KCNQ3: variants seen among roughly 807,000 people sequenced by gnomAD.
KCNQ3 encodes potassium voltage-gated channel subfamily KQT member 3.
Under a neutral mutation model 92.5 loss-of-function variants are expected in KCNQ3, and 30 were observed. That is an observed-to-expected ratio of 0.32 (90% CI 0.24 to 0.44). The LOEUF (loss-of-function observed/expected upper bound fraction) is 0.44, where lower values mean the gene tolerates loss of function less well. KCNQ3 is among the 20% of genes least tolerant of loss of function. The pLI, the probability that KCNQ3 is intolerant of heterozygous loss-of-function variation, is 1.00. For missense variants in KCNQ3, 913 were observed against 1,140.3 expected (o/e 0.80, Z 2.87); for synonymous variants, 450 against 468.8 (o/e 0.96, Z 0.52).
intron 1 of KCNQ3, among the ~76,000 whole-genome samples, chr8:132,432,814 C>T (rs184851547): frequency 5.9e-5 from 9 of 152,176 alleles, no homozygotes; most frequent in East Asian, 1.9e-4. Flanking sequence ...AAAAGCTTCA[C>T]GAGGGCAAGA....
intron 1 of KCNQ3, among the ~76,000 whole-genome samples, chr8:132,318,545 T>G (rs1170636641): frequency 6.6e-6 from 1 of 152,258 alleles, no homozygotes; most frequent in African/African-American, 2.4e-5. Context: ...TAGTTCATTC[T>G]TTTAGCTGTC....
chr8:132,416,188 T>C (rs1820800217), intron 1 of KCNQ3, among the ~76,000 whole-genome samples: 1 of 152,244 alleles, frequency 6.6e-6, no homozygotes, highest in African/African-American at 2.4e-5. Flanking sequence ...TTTCCTTTTC[T>C]AAAAATGAAA....
In KCNQ3 at chr8:132,134,341, T is replaced by C. The variant is rs765682322; in HGVS notation, c.1748A>G (p.Lys583Arg). ...GAATGCTGACCCTTTCTGAGACTTC[T>C]TGTGTTTTGGCGTGGAGGGAGGTCC... is the stretch of plus-strand genomic sequence containing the variant. ...TPGPPSTPKHKKSQKGSAFTF... is the reference protein window; with the variant it reads ...TPGPPSTPKHRKSQKGSAFTF... The change falls in exon 13 of 15, where the codon AAG becomes AGG. Residue 583 changes from lysine (K) to arginine (R), a missense_variant. Physicochemically the swap from Lys to Arg is conservative, Grantham distance 26. Around this residue, in one of 6 missense-constraint regions of KCNQ3, gnomAD observed 375 missense variants for 376.4 expected, o/e 1.00. Coordinates refer to ENST00000388996, the MANE Select transcript of KCNQ3 (RefSeq NM_004519.4). The C allele has an allele frequency of 1.2e-6, 2 of 1,614,060 alleles. No homozygotes were observed. Among genetic ancestry groups the C allele is most frequent in the South Asian group, 1.1e-5 (1 of 91,076 alleles).
intron 1 of KCNQ3, among the ~76,000 whole-genome samples, chr8:132,306,228 G>C (rs1361920218): frequency 6.6e-6 from 1 of 152,208 alleles, no homozygotes; most frequent in African/African-American, 2.4e-5. Flanking sequence ...TGTTCTGTTA[G>C]CTCCTGGAGG....
rs886062682 is a variant in KCNQ3 at position 132,128,501 on chromosome 8, T to TTGTGTGTGTGTGTGTGTG, written c.*760_*761insCACACACACACACACACA. On this transcript the variant is annotated 3_prime_UTR_variant, in exon 15 of 15. Coordinates refer to ENST00000388996, the MANE Select transcript of KCNQ3 (RefSeq NM_004519.4). Reference sequence around the variant, plus strand: ...ACATAAATTGGAAACTATTTTAACTTTGTGTATGTGTGTGTGTGTGTGTGT... The same window carrying TTGTGTGTGTGTGTGTGTG: ...ACATAAATTGGAAACTATTTTAACTTTGTGTGTGTGTGTGTGTGTGTGTATGTGTGTGTGTGTGTGTGT... 8.6e-6 allele frequency: 1 copy of TTGTGTGTGTGTGTGTGTG among 116,840 alleles called. No homozygotes were observed. Among genetic ancestry groups the TTGTGTGTGTGTGTGTGTG allele is most frequent in the Admixed American group, 9.6e-5 (1 of 10,452 alleles). The allele number at this position is 116,840 out of a possible 1,614,324, so 7.2% of individuals were successfully genotyped here. A position where few individuals can be genotyped will look rare whatever the true frequency, so the allele number is the denominator to read the frequency against.
At chr8:132,226,293 G>A (rs897186961) in intron 1 of KCNQ3, among the ~76,000 whole-genome samples, 1 of 151,608 alleles carries the variant, frequency 6.6e-6, no homozygotes, top group Non-Finnish European at 1.5e-5. Flanking sequence ...AAATCATGGA[G>A]GATTTTAAGA....
At chr8:132,243,743 T>C (rs1586858946) in intron 1 of KCNQ3, among the ~76,000 whole-genome samples, 1 of 152,354 alleles carries the variant, frequency 6.6e-6, no homozygotes, top group East Asian at 1.9e-4. Context: ...ATCTAATGGT[T>C]TGATGTACAC....
rs1586749438 is a variant in KCNQ3, at chr8:132,129,174, G to A, written c.*88C>T. 1 of 1,503,142 alleles carries A rather than the reference G, an allele frequency of 6.7e-7. No individual in the cohort carries two copies. The highest frequency in any genetic ancestry group is 2.3e-5 in the East Asian group (1 of 44,036). The allele number at this position is 1,503,142 out of a possible 1,614,324, so 93.1% of individuals were successfully genotyped here. A position where few individuals can be genotyped will look rare whatever the true frequency, so the allele number is the denominator to read the frequency against. On this transcript the variant is annotated 3_prime_UTR_variant, in exon 15 of 15. Coordinates refer to ENST00000388996, the MANE Select transcript of KCNQ3 (RefSeq NM_004519.4). This position sits in a 1 kb window ranked among gnomAD's most constrained non-coding sequence, Gnocchi z 5.9. ...GCATGCATTTGATGCAGCCATTGGT[G>A]TCCCCGCTGGTAAGCGTCGGGTGTA...
chr8:132,264,211 C>T (rs905940125), intron 1 of KCNQ3, among the ~76,000 whole-genome samples: 1 of 152,136 alleles, frequency 6.6e-6, no homozygotes, highest in Non-Finnish European at 1.5e-5. Context: ...TTCAGATCTC[C>T]CCCAGGCCAG....
intron 1 of KCNQ3, among the ~76,000 whole-genome samples, chr8:132,441,600 AACAAAT>A (rs1563913481): frequency 6.6e-6 from 1 of 151,276 alleles, no homozygotes; most frequent in African/African-American, 2.4e-5. Context: ...CAAACAAACA[AACAAAT>A]ATATATATAT....
At chr8:132,151,391 G>C (rs1825632451) in intron 9 of KCNQ3, among the ~76,000 whole-genome samples, 1 of 152,156 alleles carries the variant, frequency 6.6e-6, no homozygotes, top group Non-Finnish European at 1.5e-5. Flanking sequence ...CTTGCCTAAG[G>C]CTAAATAATT....
chr8:132,324,335 G>A (rs1269952839), intron 1 of KCNQ3, among the ~76,000 whole-genome samples: 1 of 152,072 alleles, frequency 6.6e-6, no homozygotes, highest in Non-Finnish European at 1.5e-5. Flanking sequence ...TTGAGACCAG[G>A]GACCCTATTT....
intron 7 of KCNQ3, among the ~76,000 whole-genome samples, chr8:132,171,777 C>T (rs16904619): frequency 0.092 from 13,952 of 152,014 alleles, 849 homozygotes; most frequent in African/African-American, 0.16. Flanking sequence ...GGTCCCTAGG[C>T]CAAATCTGAG....
chr8:132,131,349 C>T (rs1031315976), intron 14 of KCNQ3, among the ~76,000 whole-genome samples: 6 of 152,126 alleles, frequency 3.9e-5, no homozygotes, highest in African/African-American at 1.4e-4. Flanking sequence ...AGATTATGAG[C>T]TGTTTGCTGT....
chr8:132,133,350 G>T lies in KCNQ3; in HGVS notation c.1799+940C>A, dbSNP rs2436136. The stretch of plus-strand genomic sequence containing the variant: ...TTTCTATCATCACGTTAATGCTCTC[G>T]ATTCTTTTTTTTTTTTTTTTTTTTG... On this transcript the variant is annotated intron_variant, in intron 13 of 14. Transcript: ENST00000388996. Among the ~76,000 whole-genome samples, 6 of 131,254 alleles carry T rather than the reference G, an allele frequency of 4.6e-5. No homozygotes were observed. The East Asian group carries it at 8.6e-4, about 19-fold the overall frequency. 86.1% of individuals were successfully genotyped at this position (131,254 alleles called of 152,430 possible). A position where few individuals can be genotyped will look rare whatever the true frequency, so the allele number is the denominator to read the frequency against.
At chr8:132,302,677 G>A (rs1309048565) in intron 1 of KCNQ3, among the ~76,000 whole-genome samples, 2 of 152,190 alleles carry the variant, frequency 1.3e-5, no homozygotes, top group Non-Finnish European at 2.9e-5. Context: ...CCATCAGAAT[G>A]TTCTCTGGTC....
chr8:132,298,389 T>TG (rs1424175290), intron 1 of KCNQ3, among the ~76,000 whole-genome samples: 1 of 151,438 alleles, frequency 6.6e-6, no homozygotes, highest in African/African-American at 2.4e-5. Context: ...GAAGGTAGGG[T>TG]GGGGGTCCTT....
At chr8:132,342,594 G>A (rs139670156) in intron 1 of KCNQ3, among the ~76,000 whole-genome samples, 4 of 152,258 alleles carry the variant, frequency 2.6e-5, no homozygotes, top group Non-Finnish European at 4.4e-5. Context: ...CCTACTCAGC[G>A]TCAGCTAGCA....
At chr8:132,404,609 A>G (rs556882722) in intron 1 of KCNQ3, among the ~76,000 whole-genome samples, 3 of 152,226 alleles carry the variant, frequency 2.0e-5, no homozygotes, top group South Asian at 2.1e-4. Context: ...AGGGTTTCAG[A>G]TTTGCCTAGC....
Sources: allele counts gnomAD v4.1 joint callset (sites outside exome capture counted in the v4.1 genomes callset), GRCh38; gene constraint gnomAD v4.1.1; regional missense constraint gnomAD v4.1.1; non-coding constraint Gnocchi (gnomAD v3.1); transcripts MANE v1.5; gene names NCBI Gene and HGNC (gene_info 2026-07-23, HGNC 2026-07-21).